Variants in ASTN1 observed in about 807,000 individuals in gnomAD.
ASTN1 encodes the protein astrotactin 1, also known as astrotactin-1.
Under a neutral mutation model 140.7 loss-of-function variants are expected in ASTN1, and 41 were observed. The observed-to-expected ratio is 0.29, with a 90% CI of 0.23 to 0.38. The LOEUF (loss-of-function observed/expected upper bound fraction) is 0.38, where lower values mean the gene tolerates loss of function less well. Among genes scored for constraint, ASTN1 ranks in the 10% least tolerant of loss-of-function variants. The probability of loss-of-function intolerance (pLI) is 1.00; values close to 1 mark genes in which losing one functional copy is unlikely to be tolerated. For missense variants in ASTN1, 1,479 were observed against 1,678.8 expected, an observed-to-expected ratio of 0.88 and a Z score of 2.08; for synonymous variants, 640 against 652.2, an observed-to-expected ratio of 0.98 and a Z score of 0.29.
At chr1:177,054,478 A>G (rs1677698930) in intron 2 of ASTN1, among the ~76,000 whole-genome samples, 1 of 152,194 alleles carries the variant, frequency 6.6e-6, no homozygotes. Flanking sequence ...GCCTCTGCTA[A>G]AGGAAACGGC....
chr1:176,940,473 A>C (rs1179552375), intron 14 of ASTN1, among the ~76,000 whole-genome samples: 3 of 152,200 alleles, frequency 2.0e-5, no homozygotes, highest in Non-Finnish European at 2.9e-5. Flanking sequence ...CTAACTAATC[A>C]CATAGGATGC....
rs992510894 is a variant in ASTN1 at position 176,996,954 on chromosome 1, C to T, written c.1523+17837G>A. On this transcript the variant is annotated intron_variant, in intron 8 of 22. Transcript: ENST00000361833. ...GTGTATTTGATGCAGACAGAGAAAACGAGAAAAGTTAAAACCAAACCAATT... is the reference window on the plus strand; with the variant it reads ...GTGTATTTGATGCAGACAGAGAAAATGAGAAAAGTTAAAACCAAACCAATT... 7.9e-5 allele frequency among the ~76,000 whole-genome samples: 12 copies of T among 152,122 alleles called. 1 individual carries two copies. The highest frequency in any genetic ancestry group is 1.2e-4 in the Non-Finnish European group (8 of 68,026).
rs1388141301 is a variant in ASTN1, at chr1:177,029,662, A to T, written c.1092T>A (p.Asp364Glu). Residue 364 changes from aspartate to glutamate, a missense_variant, in exon 5 of 23, where the codon GAT becomes GAA. Physicochemically the swap from Asp to Glu is conservative, Grantham distance 45. Coordinates refer to ENST00000361833, the MANE Select transcript of ASTN1 (RefSeq NM_004319.3). Reference sequence around the variant, plus strand: ...TACTACGCCTCCTGCTCCTTGAAGGATCCGTGTAAAAGGTCAGCTGGGGGT... The same window carrying T: ...TACTACGCCTCCTGCTCCTTGAAGGTTCCGTGTAAAAGGTCAGCTGGGGGT... ...ENDPQLTFYT[D>E]PSRSRRRSRV... The T allele has an allele frequency of 6.2e-7, 1 of 1,613,626 alleles. No homozygotes were observed. The highest frequency in any genetic ancestry group is 8.5e-7 in the Non-Finnish European group (1 of 1,179,936).
intron 17 of ASTN1, among the ~76,000 whole-genome samples, chr1:176,889,327 C>G (rs1669170029): frequency 6.6e-6 from 1 of 152,228 alleles, no homozygotes; most frequent in South Asian, 2.1e-4. Context: ...GACTTTCTCT[C>G]TGGGTGAGCT....
intron 22 of ASTN1, among the ~76,000 whole-genome samples, chr1:176,866,713 A>C (rs1341603041): frequency 6.6e-6 from 1 of 152,160 alleles, no homozygotes; most frequent in South Asian, 2.1e-4. Context: ...CTTCCTTTCT[A>C]ATTAGTGGTG....
At chr1:177,128,537 A>G (rs986059211) in intron 1 of ASTN1, among the ~76,000 whole-genome samples, 2 of 152,240 alleles carry the variant, frequency 1.3e-5, no homozygotes, top group Non-Finnish European at 2.9e-5. Flanking sequence ...TACTACTGCT[A>G]TTTTTGAAAT....
chr1:176,883,196 C>G (rs1668882363), intron 19 of ASTN1, among the ~76,000 whole-genome samples: 1 of 150,726 alleles, frequency 6.6e-6, no homozygotes, highest in African/African-American at 2.4e-5. Flanking sequence ...TCAGACACAA[C>G]TAGGGCAAGG....
intron 1 of ASTN1, among the ~76,000 whole-genome samples, chr1:177,091,939 TATGAA>T (rs1400162548): frequency 1.3e-5 from 2 of 152,212 alleles, no homozygotes; most frequent in Non-Finnish European, 2.9e-5. Flanking sequence ...TTTTTAATAT[TATGAA>T]TAATGCTACT....
chr1:177,152,173 C>T (rs992825455), intron 1 of ASTN1, among the ~76,000 whole-genome samples: 3 of 152,068 alleles, frequency 2.0e-5, no homozygotes, highest in Non-Finnish European at 4.4e-5. Flanking sequence ...TCAGTCAGGA[C>T]CACAGAAAGT....
intron 1 of ASTN1, among the ~76,000 whole-genome samples, chr1:177,140,750 G>C (rs570279861): frequency 4.6e-5 from 7 of 152,182 alleles, no homozygotes; most frequent in Non-Finnish European, 8.8e-5. Context: ...TGCATGTTAA[G>C]GTGAGAAGTG....
chr1:177,103,017 C>T (rs1680374066), intron 1 of ASTN1, among the ~76,000 whole-genome samples: 1 of 152,270 alleles, frequency 6.6e-6, no homozygotes, highest in South Asian at 2.1e-4. Flanking sequence ...TTTTCCCATA[C>T]TGCAAAAGGA....
intron 1 of ASTN1, among the ~76,000 whole-genome samples, chr1:177,120,321 C>T (rs1325718877): frequency 6.6e-6 from 1 of 152,174 alleles, no homozygotes; most frequent in Non-Finnish European, 1.5e-5. Context: ...GAAATCAAGC[C>T]TTGAGCCTGA....
chr1:176,993,851 C>T (rs1395641779), intron 8 of ASTN1, among the ~76,000 whole-genome samples: 2 of 152,196 alleles, frequency 1.3e-5, no homozygotes, highest in Admixed American at 6.5e-5. Context: ...AGTCAGCTTT[C>T]AACTTTCTTA....
At chr1:177,143,137 T>C (rs1022520475) in intron 1 of ASTN1, among the ~76,000 whole-genome samples, 17 of 152,330 alleles carry the variant, frequency 1.1e-4, no homozygotes, top group Non-Finnish European at 2.2e-4. Context: ...TGGGAGGACA[T>C]AAAACTGCCA....
chr1:177,137,646 T>C (rs997671699), intron 1 of ASTN1, among the ~76,000 whole-genome samples: 9 of 152,168 alleles, frequency 5.9e-5, no homozygotes, highest in African/African-American at 2.2e-4. Context: ...TGTCAAGGTC[T>C]GTGAAGGCTC....
intron 1 of ASTN1, among the ~76,000 whole-genome samples, chr1:177,161,667 G>A (rs1300148733): frequency 6.6e-6 from 1 of 152,214 alleles, no homozygotes; most frequent in Non-Finnish European, 1.5e-5. Flanking sequence ...CAATCAGAAT[G>A]AGAAGACCCT....
intron 1 of ASTN1, among the ~76,000 whole-genome samples, chr1:177,096,557 T>A (rs1403591925): frequency 6.6e-6 from 1 of 152,126 alleles, no homozygotes; most frequent in Non-Finnish European, 1.5e-5. Context: ...GCTCCCATAA[T>A]CCCCATGTGT....
At chr1:176,997,444 G>A (rs1245164022) in intron 8 of ASTN1, among the ~76,000 whole-genome samples, 1 of 152,034 alleles carries the variant, frequency 6.6e-6, no homozygotes, top group African/African-American at 2.4e-5. Context: ...TAAGACCCTA[G>A]AGGACTATTG....
intron 16 of ASTN1, among the ~76,000 whole-genome samples, chr1:176,916,170 C>T (rs2038047): frequency 0.59 from 89,770 of 152,030 alleles, 28,695 homozygotes; most frequent in African/African-American, 0.85. Flanking sequence ...GTTCGAATAA[C>T]GGCTGGGGCT....
Sources: allele counts gnomAD v4.1 joint callset (sites outside exome capture counted in the v4.1 genomes callset), GRCh38; gene constraint gnomAD v4.1.1; transcripts MANE v1.5; gene names NCBI Gene and HGNC (gene_info 2026-07-23, HGNC 2026-07-21).